The following SLC45A4 variants were observed in gnomAD, a reference collection of about 807,000 sequenced individuals.
The protein encoded by SLC45A4 is polyamine-transporter SLC45A4.
SLC45A4 carries 32 observed loss-of-function variants against 63.7 expected under a neutral mutation model. The ratio of observed to expected loss-of-function variants is 0.50; its 90% CI spans 0.38 to 0.67. The LOEUF (loss-of-function observed/expected upper bound fraction) is 0.67. Among genes scored for constraint, SLC45A4 ranks in the 30% least tolerant of loss-of-function variants. SLC45A4 has a pLI of 0.00. For synonymous variants in SLC45A4, 535 were observed against 510.0 expected (o/e 1.05, Z -0.66); for missense variants, 1,027 against 1,157.7 (o/e 0.89, Z 1.64).
intron 3 of SLC45A4, among the ~76,000 whole-genome samples, 173 bp downstream of exon 3, chr8:141,221,404 C>T (rs1022172265): frequency 3.9e-5 from 6 of 152,276 alleles, no homozygotes; most frequent in African/African-American, 1.4e-4. Context: ...CACATGGGGC[C>T]AGCTTCGGCG....
chr8:141,250,067 T>G (rs1374018924), intron 2 of SLC45A4, among the ~76,000 whole-genome samples: 2 of 152,324 alleles, frequency 1.3e-5, no homozygotes, highest in East Asian at 3.9e-4. Context: ...TCTCCCCATT[T>G]CAGTCAGCAT....
chr8:141,260,004 T>C (rs1170693718), intron 1 of SLC45A4, among the ~76,000 whole-genome samples: 2 of 152,210 alleles, frequency 1.3e-5, no homozygotes, highest in Admixed American at 1.3e-4. Flanking sequence ...AGCCACCGGC[T>C]TATGCGTCCC....
chr8:141,299,150 G>A (rs950009144), intron 1 of SLC45A4, among the ~76,000 whole-genome samples: 4 of 152,278 alleles, frequency 2.6e-5, no homozygotes, highest in South Asian at 2.1e-4. Flanking sequence ...GTTACCACAC[G>A]GAAGCAGAAG....
At chr8:141,281,110 G>A (rs997565592) in intron 1 of SLC45A4, among the ~76,000 whole-genome samples, 4 of 152,084 alleles carry the variant, frequency 2.6e-5, no homozygotes, top group East Asian at 3.9e-4. Context: ...AGGCTGAGGC[G>A]GGTGGATCAC....
chr8:141,225,334 A>G (rs915766199), intron 2 of SLC45A4: 1 of 152,024 alleles, frequency 6.6e-6, no homozygotes, highest in Non-Finnish European at 1.5e-5. Context: ...CTCCACCCGA[A>G]CTCTGCCTGT....
intron 1 of SLC45A4, among the ~76,000 whole-genome samples, chr8:141,298,489 TCA>T (rs1830638423): frequency 6.6e-6 from 1 of 152,144 alleles, no homozygotes; most frequent in Non-Finnish European, 1.5e-5. Context: ...CCCTGCTAGC[TCA>T]CAGTCTGAGC....
chr8:141,218,307 C>T lies in SLC45A4; in HGVS notation c.1333G>A (p.Ala445Thr), dbSNP rs748850244. The T allele has an allele frequency of 3.1e-6, 5 of 1,606,322 alleles. No homozygotes were observed. The highest frequency in any genetic ancestry group is 1.7e-5 in the Admixed American group (1 of 60,000). The change falls in exon 5 of 9, where the codon GCC (alanine) becomes ACC (threonine). Residue 445 changes from alanine to threonine, a missense_variant. Ala to Thr is a moderately conservative substitution (Grantham distance 58, BLOSUM62 0). Coordinates refer to ENST00000517878, the MANE Select transcript of SLC45A4 (RefSeq NM_001286646.2). ...CGCGACGGCTTGATCAGCACCACGG[C>T]GTTGGCGCGCCGGTAGCGGTAGCAG... ...SHCYRYRRANAVVLIKPSRSM... is the reference protein window; with the variant it reads ...SHCYRYRRANTVVLIKPSRSM...
intron 2 of SLC45A4, chr8:141,224,950 C>T (rs35257077): frequency 0.32 from 49,428 of 152,120 alleles, 8,908 homozygotes; most frequent in Non-Finnish European, 0.41. Flanking sequence ...TGCTGTTAAC[C>T]CCATCTGGTT....
chr8:141,285,305 G>A (rs565070667), intron 1 of SLC45A4, among the ~76,000 whole-genome samples: 3 of 152,372 alleles, frequency 2.0e-5, no homozygotes, highest in African/African-American at 4.8e-5. Context: ...CTTCACTGCC[G>A]TGGCTGAGAT....
chr8:141,281,928 T>C (rs1251713797), intron 1 of SLC45A4, among the ~76,000 whole-genome samples: 1 of 152,008 alleles, frequency 6.6e-6, no homozygotes, highest in Non-Finnish European at 1.5e-5. Context: ...GCACGGCACC[T>C]TTCCTAACGC....
chr8:141,232,701 G>A (rs554799842), intron 2 of SLC45A4, among the ~76,000 whole-genome samples: 3 of 149,152 alleles, frequency 2.0e-5, no homozygotes, highest in East Asian at 2.0e-4. Context: ...CAGCTGCAAC[G>A]GGAACACAGA....
At chr8:141,300,973 C>T (rs955845109) in intron 1 of SLC45A4, among the ~76,000 whole-genome samples, 25 of 152,222 alleles carry the variant, frequency 1.6e-4, no homozygotes, top group African/African-American at 9.6e-5. Context: ...GCAAGCGCCC[C>T]GTGCAAACAC....
chr8:141,233,502 T>C (rs1248438532), intron 2 of SLC45A4, among the ~76,000 whole-genome samples: 1 of 151,926 alleles, frequency 6.6e-6, no homozygotes, highest in Non-Finnish European at 1.5e-5. Context: ...GCCAACATGG[T>C]AAAACCCCAC....
intron 1 of SLC45A4, among the ~76,000 whole-genome samples, chr8:141,289,161 C>G (rs1830260777): frequency 6.6e-6 from 1 of 152,148 alleles, no homozygotes; most frequent in Non-Finnish European, 1.5e-5. Context: ...ACAGTGGGCA[C>G]AGAGGCCAGG....
intron 2 of SLC45A4, 62 bp downstream of exon 2, chr8:141,253,927 C>A: frequency 6.6e-7 from 1 of 1,522,174 alleles, no homozygotes. Context: ...GGATCAGAGC[C>A]ACGCCCAGTC....
At chr8:141,290,140 T>C (rs1177920700) in intron 1 of SLC45A4, among the ~76,000 whole-genome samples, 1 of 152,132 alleles carries the variant, frequency 6.6e-6, no homozygotes, top group Non-Finnish European at 1.5e-5. Flanking sequence ...CACGTATGTA[T>C]GTATATATTA....
Position 141,240,817 on chromosome 8 carries a change from C to G in SLC45A4, c.241+13172G>C, listed in dbSNP as rs746194005. Among the ~76,000 whole-genome samples the G allele has an allele frequency of 3.9e-5, 6 of 152,388 alleles. 1 individual carries two copies. Among genetic ancestry groups the G allele is most frequent in the Admixed American group, 3.9e-4 (6 of 15,310 alleles). On this transcript the variant is annotated intron_variant, in intron 2 of 8. Transcript: ENST00000517878. ...TGGATCCTAGCTCTGAGACACCACA[C>G]GCATCACCTGCCGTGCTGCAGTGGA... is the stretch of plus-strand genomic sequence containing the variant.
At chr8:141,281,362 C>T (rs1374555693) in intron 1 of SLC45A4, among the ~76,000 whole-genome samples, 1 of 152,184 alleles carries the variant, frequency 6.6e-6, no homozygotes, top group African/African-American at 2.4e-5. Context: ...ACCTCCGAAT[C>T]AGTCTCCTAC....
chr8:141,215,490 G>C lies in SLC45A4; in HGVS notation c.1941+269C>G, dbSNP rs1445887701. On this transcript the variant is annotated intron_variant, in intron 7 of 8. Transcript: ENST00000517878. The surrounding 1 kb of genome is among the most constrained non-coding windows in gnomAD (Gnocchi z 4.3). ...TGTGACTGGGCCTGAGGGGACCAAA[G>C]GGGCAGGGACAGTGCTTTTGCCTCC... Among the ~76,000 whole-genome samples, 2 of 152,142 alleles carry C rather than the reference G, an allele frequency of 1.3e-5. No homozygotes were observed. Among genetic ancestry groups the C allele is most frequent in the African/African-American group, 4.8e-5 (2 of 41,438 alleles).
Sources: allele counts gnomAD v4.1 joint callset (sites outside exome capture counted in the v4.1 genomes callset), GRCh38; gene constraint gnomAD v4.1.1; non-coding constraint Gnocchi (gnomAD v3.1); transcripts MANE v1.5; gene names NCBI Gene and HGNC (gene_info 2026-07-23, HGNC 2026-07-21).